The following PACRG variants were observed in gnomAD, a reference collection of about 807,000 sequenced individuals.
PACRG encodes parkin coregulated, also known as parkin coregulated gene protein.
In PACRG, 29 loss-of-function variants were observed where a neutral mutation model predicts 29.7. The observed-to-expected ratio is 0.98, with a 90% CI of 0.73 to 1.33. PACRG has a LOEUF of 1.33. Ranked by LOEUF, PACRG falls within the 40% of genes most tolerant of loss-of-function variation. PACRG has a pLI of 0.00. For missense variants in PACRG, 279 were observed against 316.2 expected (o/e 0.88, Z 0.89); for synonymous variants, 116 against 118.7 (o/e 0.98, Z 0.15).
chr6:163,043,739 AAT>A (rs1188691086), intron 2 of PACRG, among the ~76,000 whole-genome samples: 1 of 152,150 alleles, frequency 6.6e-6, no homozygotes, highest in Admixed American at 6.6e-5. Flanking sequence ...AACACGAGGG[AAT>A]ATGTGTTTTG....
chr6:162,920,310 AAAC>A (rs1796979516), intron 2 of PACRG, among the ~76,000 whole-genome samples: 3 of 152,192 alleles, frequency 2.0e-5, no homozygotes. Flanking sequence ...CTGACAAAAG[AAAC>A]AATAGGATTG....
chr6:163,056,386 T>G (rs1810592576), intron 2 of PACRG, among the ~76,000 whole-genome samples: 1 of 152,244 alleles, frequency 6.6e-6, no homozygotes, highest in South Asian at 2.1e-4. Flanking sequence ...TTAAGTGCAT[T>G]CAATAGAACA....
At chr6:163,299,603 C>G (rs770560135) in intron 4 of PACRG, among the ~76,000 whole-genome samples, 1 of 152,144 alleles carries the variant, frequency 6.6e-6, no homozygotes, top group Admixed American at 6.5e-5. Context: ...AAACATAGGC[C>G]GGGCACGGTG....
At chr6:163,302,559 A>T (rs1360112817) in intron 4 of PACRG, among the ~76,000 whole-genome samples, 3 of 152,164 alleles carry the variant, frequency 2.0e-5, no homozygotes, top group Non-Finnish European at 4.4e-5. Context: ...GACTGCTTTG[A>T]TTTGTTCATT....
chr6:163,274,112 T>C (rs1334828357), intron 4 of PACRG, among the ~76,000 whole-genome samples: 1 of 152,138 alleles, frequency 6.6e-6, no homozygotes, highest in East Asian at 1.9e-4. Context: ...ACATGTGCCA[T>C]GTTGGTGTGC....
intron 2 of PACRG, among the ~76,000 whole-genome samples, chr6:163,061,669 G>A (rs1056342550): frequency 6.6e-6 from 1 of 152,100 alleles, no homozygotes; most frequent in African/African-American, 2.4e-5. Flanking sequence ...TCACTCTCCT[G>A]TTTGCCCCAA....
intron 2 of PACRG, among the ~76,000 whole-genome samples, chr6:162,948,868 T>A (rs150427375): frequency 3.3e-5 from 5 of 152,142 alleles, no homozygotes; most frequent in African/African-American, 1.2e-4. Context: ...AAGACCATTA[T>A]CAAAATGTCA....
At chr6:163,080,480 A>G (rs1330831330) in intron 3 of PACRG, among the ~76,000 whole-genome samples, 1 of 152,178 alleles carries the variant, frequency 6.6e-6, no homozygotes, top group African/African-American at 2.4e-5. Context: ...ACAAGACTGA[A>G]AAGGAGTATG....
chr6:163,202,379 T>G (rs1476626094), intron 4 of PACRG, among the ~76,000 whole-genome samples: 1 of 152,142 alleles, frequency 6.6e-6, no homozygotes, highest in East Asian at 1.9e-4. Context: ...TTGTATGTGT[T>G]TATGTGCATG....
At position 163,158,677 on chromosome 6, in the gene PACRG, A is replaced by G. The variant is rs546364004; in HGVS notation, c.613+69269A>G. On this transcript the variant is annotated intron_variant, in intron 4 of 4. Coordinates refer to ENST00000366888, the MANE Select transcript of PACRG (RefSeq NM_001080379.2). Reference sequence around the variant, plus strand: ...CTGAGTTTCATTTGTTCTCTAATACATCACAGTGTTAAGATGATATAAATA... The same window carrying G: ...CTGAGTTTCATTTGTTCTCTAATACGTCACAGTGTTAAGATGATATAAATA... Among the ~76,000 whole-genome samples the G allele has an allele frequency of 7.0e-4, 106 of 152,344 alleles. 1 individual carries two copies. The highest frequency in any genetic ancestry group is 1.1e-3 in the Non-Finnish European group (75 of 68,032).
intron 4 of PACRG, chr6:163,090,191 A>G (rs191125685): frequency 5.0e-4 from 76 of 152,332 alleles, no homozygotes; most frequent in African/African-American, 1.8e-3. Context: ...AAAAAAATCA[A>G]ACAAGAAGCT....
intron 4 of PACRG, among the ~76,000 whole-genome samples, chr6:163,314,222 C>G (rs1322112541): frequency 2.0e-5 from 3 of 152,188 alleles, no homozygotes; most frequent in Non-Finnish European, 2.9e-5. Flanking sequence ...TGACAAATAG[C>G]TGTCATCCCA....
chr6:163,159,920 C>A (rs1218972650), intron 4 of PACRG, among the ~76,000 whole-genome samples: 1 of 152,182 alleles, frequency 6.6e-6, no homozygotes, highest in African/African-American at 2.4e-5. Context: ...CTGCCTCCTT[C>A]CAGGATGGAC....
intron 2 of PACRG, among the ~76,000 whole-genome samples, chr6:162,844,719 G>T (rs1025568999): frequency 2.0e-5 from 3 of 152,146 alleles, no homozygotes; most frequent in Non-Finnish European, 4.4e-5. Context: ...TTTATAAGCT[G>T]TCACCATTAC....
At chr6:162,885,978 C>T (rs1263982198) in intron 2 of PACRG, among the ~76,000 whole-genome samples, 1 of 152,136 alleles carries the variant, frequency 6.6e-6, no homozygotes, top group African/African-American at 2.4e-5. Flanking sequence ...ATTCTAAATT[C>T]AAATTTTTCC....
chr6:162,954,234 A>T (rs1799857992), intron 2 of PACRG, among the ~76,000 whole-genome samples: 1 of 152,186 alleles, frequency 6.6e-6, no homozygotes, highest in South Asian at 2.1e-4. Context: ...GTCTAGTTTA[A>T]TGTATTTCCA....
chr6:162,941,326 C>T (rs9365514), intron 2 of PACRG, among the ~76,000 whole-genome samples: 3 of 151,852 alleles, frequency 2.0e-5, no homozygotes, highest in Non-Finnish European at 2.9e-5. Context: ...CCTTCCTTTG[C>T]GTCTTGTATC....
At chr6:163,074,470 A>G (rs1218908640) in intron 3 of PACRG, among the ~76,000 whole-genome samples, 1 of 152,182 alleles carries the variant, frequency 6.6e-6, no homozygotes, top group Non-Finnish European at 1.5e-5. Flanking sequence ...ATAGTTAGAA[A>G]TAGTACGACC....
intron 2 of PACRG, among the ~76,000 whole-genome samples, chr6:162,950,225 C>T (rs574863870): frequency 5.9e-5 from 9 of 152,162 alleles, no homozygotes; most frequent in South Asian, 2.1e-4. Context: ...AGGCTGGGCA[C>T]GGTGGCTCAC....
Sources: gnomAD v4.1 joint callset for allele counts (sites outside exome capture counted in the v4.1 genomes callset) on GRCh38, gnomAD v4.1.1 for gene constraint, MANE v1.5 for transcripts, NCBI Gene and HGNC (gene_info 2026-07-23, HGNC 2026-07-21) for gene names.